ANO5: variants seen among roughly 807,000 people sequenced by gnomAD.
ANO5 encodes anoctamin 5, also known as anoctamin-5.
A neutral mutation model predicts 121.0 loss-of-function variants in ANO5; 109 were observed. That is an observed-to-expected ratio of 0.90 (90% CI 0.77 to 1.06). The LOEUF (loss-of-function observed/expected upper bound fraction) is 1.06. Ranked by LOEUF, ANO5 falls within the 50% of genes least tolerant of loss-of-function variation. The pLI is 0.00. For missense variants in ANO5, 1,064 were observed against 1,078.5 expected (o/e 0.99, Z 0.19); for synonymous variants, 406 against 359.9 (o/e 1.13, Z -1.45).
At chr11:22,255,767 C>G (rs1853982662) in intron 13 of ANO5, among the ~76,000 whole-genome samples, 2 of 152,040 alleles carry the variant, frequency 1.3e-5, no homozygotes, top group African/African-American at 4.8e-5. Flanking sequence ...CATGGATGAA[C>G]CCATCACTCA....
intron 9 of ANO5, among the ~76,000 whole-genome samples, chr11:22,249,302 A>C (rs1305242144): frequency 1.2e-4 from 18 of 152,094 alleles, no homozygotes; most frequent in Admixed American, 1.2e-3. Flanking sequence ...CTTTATGTTC[A>C]GATATGTGTT....
intron 2 of ANO5, among the ~76,000 whole-genome samples, chr11:22,204,464 G>C (rs546536137): frequency 2.9e-4 from 44 of 152,208 alleles, no homozygotes; most frequent in Non-Finnish European, 5.3e-4. Flanking sequence ...CTCTCACAGA[G>C]GTAGACGTCC....
intron 1 of ANO5, among the ~76,000 whole-genome samples, chr11:22,196,647 G>T (rs372458557): frequency 5.3e-4 from 81 of 152,210 alleles, no homozygotes; most frequent in African/African-American, 1.9e-3. Context: ...GAGGCAGGTG[G>T]ATCATTAGGT....
At chr11:22,263,076 T>A (rs1172788089) in intron 17 of ANO5, 33 bp downstream of exon 17, 1 of 1,523,446 alleles carries the variant, frequency 6.6e-7, no homozygotes, top group Admixed American at 1.7e-5. Context: ...TTATTTGATT[T>A]AAGTAACCAT....
At chr11:22,212,014 TA>T (rs1852294202) in intron 3 of ANO5, among the ~76,000 whole-genome samples, 1 of 151,268 alleles carries the variant, frequency 6.6e-6, no homozygotes, top group Admixed American at 6.6e-5. Flanking sequence ...TTTTACTACA[TA>T]AAGCATTTTA....
chr11:22,259,458 A>G (rs1378456127), intron 14 of ANO5, 61 bp from the exon 15 acceptor site: 24 of 1,427,126 alleles, frequency 1.7e-5, no homozygotes, highest in Middle Eastern at 1.7e-4. Flanking sequence ...AATATGTTAG[A>G]TATATATTCA....
intron 9 of ANO5, among the ~76,000 whole-genome samples, chr11:22,245,503 T>C (rs115973436): frequency 0.011 from 1,649 of 152,324 alleles, 41 homozygotes; most frequent in African/African-American, 0.038. Flanking sequence ...TTCTGGGGTT[T>C]TCTTGTATCA....
In ANO5 at chr11:22,217,437, TA is replaced by T. The variant is rs960789817; in HGVS notation, c.139-799del. ...CTATTATATTGCATGCTCATTAAAT[TA>T]AAAAAAAAACCTGGGTAAACTTTCC... On this transcript the variant is annotated intron_variant, in intron 3 of 21. Coordinates refer to ENST00000324559, the MANE Select transcript of ANO5 (RefSeq NM_213599.3). Among the ~76,000 whole-genome samples the T allele has an allele frequency of 1.6e-3, 236 of 148,530 alleles. 1 individual carries two copies. The highest frequency in any genetic ancestry group is 5.0e-3 in the African/African-American group (205 of 40,730).
chr11:22,272,876 G>T lies in ANO5; in HGVS notation c.2122G>T (p.Asp708Tyr). 6.2e-7 allele frequency: 1 copy of T among 1,614,024 alleles called. No individual in the cohort carries two copies. Among genetic ancestry groups the T allele is most frequent in the African/African-American group, 1.3e-5 (1 of 74,998 alleles). The stretch of plus-strand genomic sequence containing the variant: ...AAATAATATTGTAGAGATTCGAGTG[G>T]ATGCCTGGAAACTTACCACTCAATA... The part of the protein sequence containing the change: ...LINNIVEIRV[D>Y]AWKLTTQYRR... The change falls in exon 19 of 22, where the codon GAT becomes TAT. Residue 708 changes from aspartate (D) to tyrosine (Y), a missense_variant. Physicochemically the swap from Asp to Tyr is radical, Grantham distance 160. Transcript: ENST00000324559.
intron 7 of ANO5, 88 bp downstream of exon 7, chr11:22,227,674 T>G: frequency 6.6e-7 from 1 of 1,509,030 alleles, no homozygotes; most frequent in Non-Finnish European, 9.2e-7. Context: ...TGTCGTACCA[T>G]TTCTGCAAGG....
Position 22,218,600 on chromosome 11 carries a change from G to A in ANO5, c.180+313G>A, listed in dbSNP as rs144271338. 4.6e-3 allele frequency among the ~76,000 whole-genome samples: 697 copies of A among 152,042 alleles called. 4 individuals carry two copies. Among genetic ancestry groups the A allele is most frequent in the African/African-American group, 0.011 (458 of 41,462 alleles). On this transcript the variant is annotated intron_variant, in intron 4 of 21. Transcript: ENST00000324559. The stretch of plus-strand genomic sequence containing the variant: ...TTTTCACACAGAGTCTTACTCTGTC[G>A]CCCAGGCTGGAGTGCAGTGGTGCAA...
At chr11:22,263,380 C>T (rs973483667) in intron 17 of ANO5, among the ~76,000 whole-genome samples, 3 of 152,116 alleles carry the variant, frequency 2.0e-5, no homozygotes, top group Middle Eastern at 3.2e-3. Flanking sequence ...GAAGATTTCA[C>T]TGGGACATCT....
At chr11:22,206,656 G>C (rs994070382) in intron 2 of ANO5, among the ~76,000 whole-genome samples, 1 of 151,636 alleles carries the variant, frequency 6.6e-6, no homozygotes, top group African/African-American at 2.4e-5. Flanking sequence ...TTCACCAAAG[G>C]CTAAAGAATA....
intron 21 of ANO5, among the ~76,000 whole-genome samples, chr11:22,278,875 T>C (rs1854968044): frequency 7.0e-6 from 1 of 142,410 alleles, no homozygotes; most frequent in Non-Finnish European, 1.6e-5. Flanking sequence ...TGAATTTCAC[T>C]GTTTTTACTT....
At chr11:22,257,777 C>T (rs1312975224) in intron 14 of ANO5, 23 bp downstream of exon 14, 1 of 1,577,482 alleles carries the variant, frequency 6.3e-7, no homozygotes, top group East Asian at 2.2e-5. Flanking sequence ...TTAAAAATTG[C>T]TATAATTTCT....
At chr11:22,263,822 C>T (rs903112618) in intron 17 of ANO5, among the ~76,000 whole-genome samples, 2 of 152,034 alleles carry the variant, frequency 1.3e-5, no homozygotes, top group Non-Finnish European at 2.9e-5. Context: ...TTTATTCTCA[C>T]TCATGAAAGA....
In ANO5 at chr11:22,264,277, A is replaced by G. The variant is rs12285548; in HGVS notation, c.1898+1234A>G. On this transcript the variant is annotated intron_variant, in intron 17 of 21. Coordinates refer to ENST00000324559, the MANE Select transcript of ANO5 (RefSeq NM_213599.3). ...TGACTTCAGGTGATCCACCCGCCTC[A>G]GCCTCCCAAAGTGCTGGGATTACAG... 7.2e-5 allele frequency among the ~76,000 whole-genome samples: 11 copies of G among 151,980 alleles called. 1 individual carries two copies. The highest frequency in any genetic ancestry group is 2.7e-4 in the African/African-American group (11 of 41,418).
intron 8 of ANO5, among the ~76,000 whole-genome samples, chr11:22,237,312 A>G (rs1279668998): frequency 6.6e-6 from 1 of 152,156 alleles, no homozygotes; most frequent in East Asian, 1.9e-4. Flanking sequence ...AGTTCCCAAA[A>G]GCCCAAAGCC....
At chr11:22,249,934 C>A (rs539974839) in intron 9 of ANO5, among the ~76,000 whole-genome samples, 1 of 152,126 alleles carries the variant, frequency 6.6e-6, no homozygotes, top group African/African-American at 2.4e-5. Flanking sequence ...AATACAGAGG[C>A]TTTCCAAATT....
Sources: allele counts gnomAD v4.1 joint callset (sites outside exome capture counted in the v4.1 genomes callset), GRCh38; gene constraint gnomAD v4.1.1; transcripts MANE v1.5; gene names NCBI Gene and HGNC (gene_info 2026-07-23, HGNC 2026-07-21).